Variants in FAR1 observed in about 807,000 individuals in gnomAD.
FAR1 encodes the protein fatty acyl-CoA reductase 1.
FAR1 carries 22 observed loss-of-function variants against 61.1 expected under a neutral mutation model. The ratio of observed to expected loss-of-function variants is 0.36; its 90% CI spans 0.26 to 0.51. FAR1 has a LOEUF of 0.51. Ranked by LOEUF, FAR1 falls within the 20% of genes least tolerant of loss-of-function variation. The pLI is 0.95. For missense variants in FAR1, 359 were observed against 626.9 expected (o/e 0.57, Z 4.56); for synonymous variants, 206 against 209.7 (o/e 0.98, Z 0.15).
chr11:13,670,511 C>T (rs568980842), intron 1 of FAR1, among the ~76,000 whole-genome samples: 1 of 152,044 alleles, frequency 6.6e-6, no homozygotes, highest in Non-Finnish European at 1.5e-5. Context: ...AGGCTGGTCT[C>T]GAACCCCTGA....
At position 13,729,073 on chromosome 11, in the gene FAR1, A is replaced by C. The variant is rs1848694618; in HGVS notation, c.*299A>C. On this transcript the variant is annotated 3_prime_UTR_variant, in exon 12 of 12. Transcript: ENST00000354817. Reference sequence around the variant, plus strand: ...GAGTGGGGAAATAGGAACACTGACCAGTATAACTGTGCAATTCTGGAACAT... The same window carrying C: ...GAGTGGGGAAATAGGAACACTGACCCGTATAACTGTGCAATTCTGGAACAT... 1.4e-5 allele frequency: 3 copies of C among 220,904 alleles called. No individual in the cohort carries two copies. The highest frequency in any genetic ancestry group is 1.0e-4 in the South Asian group (1 of 9,636). The allele number at this position is 220,904 out of a possible 1,614,324, so 13.7% of individuals were successfully genotyped here. A position where few individuals can be genotyped will look rare whatever the true frequency, so the allele number is the denominator to read the frequency against.
chr11:13,712,971 G>A lies in FAR1; in HGVS notation c.893G>A (p.Arg298Lys). ...TTTCATCTTTGTCTTTGCAGACCAA[G>A]AAACATCATGGTGTATAATTGTACA... ...AAWYSGVNRP[R>K]NIMVYNCTTG... The change falls in exon 8 of 12, where the codon AGA becomes AAA. Residue 298 changes from arginine (R) to lysine (K), a missense_variant. Coordinates refer to ENST00000354817, the MANE Select transcript of FAR1 (RefSeq NM_032228.6). 1.2e-6 allele frequency: 2 copies of A among 1,612,618 alleles called. No homozygotes were observed. Among genetic ancestry groups the A allele is most frequent in the East Asian group, 2.2e-5 (1 of 44,806 alleles).
chr11:13,702,483 T>C (rs1020579701), intron 3 of FAR1, among the ~76,000 whole-genome samples: 1 of 152,300 alleles, frequency 6.6e-6, no homozygotes, highest in East Asian at 1.9e-4. Flanking sequence ...TTGTTGTGTG[T>C]GTATATTTTT....
chr11:13,721,558 C>A lies in FAR1; in HGVS notation c.1128-172C>A. ...CCTTTTGGATTTATAAATTGTTCAT[C>A]CAAGATGCAGAAATAGTCTTATTCC... On this transcript the variant is annotated intron_variant, in intron 9 of 11. Transcript: ENST00000354817. This position sits in a 1 kb window ranked among gnomAD's most constrained non-coding sequence, Gnocchi z 4.2. 1 of 525,452 alleles carries A rather than the reference C, an allele frequency of 1.9e-6. No homozygotes were observed. The highest frequency in any genetic ancestry group is 3.2e-6 in the Non-Finnish European group (1 of 312,400). The allele number at this position is 525,452 out of a possible 1,614,324, so 32.5% of individuals were successfully genotyped here. A position where few individuals can be genotyped will look rare whatever the true frequency, so the allele number is the denominator to read the frequency against.
chr11:13,681,033 G>A (rs1165541992), intron 1 of FAR1, among the ~76,000 whole-genome samples: 1 of 152,188 alleles, frequency 6.6e-6, no homozygotes, highest in African/African-American at 2.4e-5. Flanking sequence ...GACTAGAGGT[G>A]TGTCAACTCC....
intron 2 of FAR1, among the ~76,000 whole-genome samples, chr11:13,698,271 G>T (rs1466576486): frequency 6.6e-6 from 1 of 152,108 alleles, no homozygotes; most frequent in Non-Finnish European, 1.5e-5. Context: ...ATCTTGCCAG[G>T]CAAGATCTGC....
intron 3 of FAR1, among the ~76,000 whole-genome samples, chr11:13,702,861 ACTTT>A (rs918754669): frequency 2.4e-4 from 37 of 152,200 alleles, no homozygotes; most frequent in South Asian, 2.1e-4. Flanking sequence ...CTTTCAGGGA[ACTTT>A]CTTTCTGTCC....
Position 13,730,777 on chromosome 11 carries a change from T to C in FAR1, c.*2003T>C, listed in dbSNP as rs1848716752. The C allele has an allele frequency of 6.6e-6, 1 of 152,140 alleles. No homozygotes were observed. 9.4% of individuals were successfully genotyped at this position (152,140 alleles called of 1,614,324 possible). On this transcript the variant is annotated 3_prime_UTR_variant, in exon 12 of 12. Coordinates refer to ENST00000354817, the MANE Select transcript of FAR1 (RefSeq NM_032228.6). Reference sequence around the variant, plus strand: ...TCTTGTAATCTAGCTTAAAGAAATGTTAACTGGGAGGGTGCTGAGGCCACT... The same window carrying C: ...TCTTGTAATCTAGCTTAAAGAAATGCTAACTGGGAGGGTGCTGAGGCCACT...
At chr11:13,681,111 T>G (rs1366384792) in intron 1 of FAR1, among the ~76,000 whole-genome samples, 1 of 152,194 alleles carries the variant, frequency 6.6e-6, no homozygotes, top group African/African-American at 2.4e-5. Context: ...TCATAGTTAA[T>G]TGAACATGGG....
intron 8 of FAR1, among the ~76,000 whole-genome samples, chr11:13,714,146 A>T (rs1402222313): frequency 6.6e-6 from 1 of 151,592 alleles, no homozygotes; most frequent in Non-Finnish European, 1.5e-5. Flanking sequence ...TTTTTTAAGT[A>T]AGTACAGTAA....
chr11:13,692,611 C>T (rs1429499607), intron 1 of FAR1, among the ~76,000 whole-genome samples: 2 of 152,060 alleles, frequency 1.3e-5, no homozygotes, highest in African/African-American at 4.8e-5. Flanking sequence ...TAAAATTTTT[C>T]ACTATTTCTT....
intron 4 of FAR1, among the ~76,000 whole-genome samples, chr11:13,708,532 A>G (rs1239646708): frequency 1.3e-5 from 2 of 151,900 alleles, no homozygotes; most frequent in South Asian, 2.1e-4. Context: ...TTCTTATTGT[A>G]TAGATTAATA....
At chr11:13,681,269 C>T (rs1302610655) in intron 1 of FAR1, among the ~76,000 whole-genome samples, 2 of 152,146 alleles carry the variant, frequency 1.3e-5, no homozygotes, top group African/African-American at 2.4e-5. Flanking sequence ...AACAACTCTT[C>T]GTTGTACCGT....
chr11:13,674,354 A>G (rs567240629), intron 1 of FAR1, among the ~76,000 whole-genome samples: 2 of 152,040 alleles, frequency 1.3e-5, no homozygotes, highest in African/African-American at 4.8e-5. Flanking sequence ...TTGAACTGTG[A>G]ATCAGCAGAT....
At chr11:13,718,944 G>A (rs1391916101) in intron 9 of FAR1, among the ~76,000 whole-genome samples, 1 of 152,166 alleles carries the variant, frequency 6.6e-6, no homozygotes, top group Non-Finnish European at 1.5e-5. Flanking sequence ...CAGTATGGCA[G>A]CCTCAGGGGG....
chr11:13,718,722 C>T (rs1202480538), intron 9 of FAR1, among the ~76,000 whole-genome samples: 1 of 152,076 alleles, frequency 6.6e-6, no homozygotes, highest in East Asian at 1.9e-4. Context: ...ATCTGTGGGT[C>T]AGGAATTCTA....
chr11:13,699,052 C>T (rs930929019), intron 2 of FAR1, among the ~76,000 whole-genome samples: 30 of 152,162 alleles, frequency 2.0e-4, no homozygotes, highest in African/African-American at 7.2e-4. Context: ...GCTACTTCCT[C>T]TGCCTGGAAA....
intron 3 of FAR1, among the ~76,000 whole-genome samples, chr11:13,703,656 A>G (rs1158825311): frequency 6.6e-6 from 1 of 152,230 alleles, no homozygotes; most frequent in African/African-American, 2.4e-5. Flanking sequence ...GAGAAGGTAG[A>G]TAGAGCTCAC....
intron 1 of FAR1, chr11:13,685,668 A>G (rs138565258): frequency 1.9e-4 from 33 of 174,122 alleles, no homozygotes; most frequent in African/African-American, 7.6e-4. Flanking sequence ...TGAGAAGCCA[A>G]GTCGAGCACA....
Sources: gnomAD v4.1 joint callset for allele counts (sites outside exome capture counted in the v4.1 genomes callset) on GRCh38, gnomAD v4.1.1 for gene constraint, Gnocchi (gnomAD v3.1) non-coding constraint, MANE v1.5 for transcripts, NCBI Gene and HGNC (gene_info 2026-07-23, HGNC 2026-07-21) for gene names.